LRRC7: variants seen among roughly 807,000 people sequenced by gnomAD.
The protein encoded by LRRC7 is leucine-rich repeat-containing protein 7.
A neutral mutation model predicts 175.7 loss-of-function variants in LRRC7; 23 were observed. The observed-to-expected ratio is 0.13, with a 90% CI of 0.09 to 0.19. LRRC7 has a LOEUF of 0.19. Ranked by LOEUF, LRRC7 falls within the 10% of genes least tolerant of loss-of-function variation. The probability of loss-of-function intolerance (pLI) is 1.00; values close to 1 mark genes in which losing one functional copy is unlikely to be tolerated. For synonymous variants in LRRC7, 685 were observed against 680.9 expected, an observed-to-expected ratio of 1.01 and a Z score of -0.09; for missense variants, 1,354 against 1,904.7, an observed-to-expected ratio of 0.71 and a Z score of 5.38.
chr1:69,599,153 G>T (rs923016793), intron 1 of LRRC7, among the ~76,000 whole-genome samples: 18 of 152,120 alleles, frequency 1.2e-4, no homozygotes, highest in African/African-American at 4.3e-4. Flanking sequence ...AAAAAAAAGG[G>T]CCAGATAGGA....
Position 69,764,770 on chromosome 1 carries a change from TAGATAGATAGAC to T in LRRC7, c.303+4381_303+4392del, listed in dbSNP as rs1415293545. On this transcript the variant is annotated intron_variant, in intron 3 of 26. Coordinates refer to ENST00000651989, the MANE Select transcript of LRRC7 (RefSeq NM_001370785.2). Reference sequence around the variant, plus strand: ...ATAGATAGATAGATAGATAGATAGATAGATAGATAGACAGACAGACAGATAGATAACTGGGCA... The same window carrying T: ...ATAGATAGATAGATAGATAGATAGATAGACAGACAGATAGATAACTGGGCA... Among the ~76,000 whole-genome samples the T allele has an allele frequency of 2.6e-4, 39 of 150,440 alleles. 1 individual carries two copies. Among genetic ancestry groups the T allele is most frequent in the South Asian group, 1.3e-3 (6 of 4,758 alleles).
At chr1:69,745,179 A>G (rs1262754851) in intron 2 of LRRC7, among the ~76,000 whole-genome samples, 3 of 152,004 alleles carry the variant, frequency 2.0e-5, no homozygotes, top group Non-Finnish European at 4.4e-5. Context: ...AAGGCAGTGA[A>G]TGGTGAAAAA....
At chr1:70,113,885 A>G (rs909446885) in intron 26 of LRRC7, among the ~76,000 whole-genome samples, 1 of 152,192 alleles carries the variant, frequency 6.6e-6, no homozygotes, top group Non-Finnish European at 1.5e-5. Flanking sequence ...CTCTTTACCA[A>G]AGCATCAATT....
chr1:69,699,117 G>A (rs1663002375), intron 2 of LRRC7, among the ~76,000 whole-genome samples: 3 of 152,124 alleles, frequency 2.0e-5, no homozygotes, highest in South Asian at 2.1e-4. Flanking sequence ...ACAGTGTGGC[G>A]ATGCCCCTTG....
rs1322173906 is a variant in LRRC7 at position 70,132,249 on chromosome 1, C to G, written c.*10362C>G. On this transcript the variant is annotated 3_prime_UTR_variant, in exon 27 of 27. Transcript: ENST00000651989. ...CTTGGTTTCTGCCTTCCCTCCTGCTCTTCCAGATGTCAAAAGAAGAATTTA... is the reference window on the plus strand; with the variant it reads ...CTTGGTTTCTGCCTTCCCTCCTGCTGTTCCAGATGTCAAAAGAAGAATTTA... 1 of 152,190 alleles carries G rather than the reference C, an allele frequency of 6.6e-6. No homozygotes were observed. The highest frequency in any genetic ancestry group is 1.5e-5 in the Non-Finnish European group (1 of 68,088). 9.4% of individuals were successfully genotyped at this position (152,190 alleles called of 1,614,324 possible). A position where few individuals can be genotyped will look rare whatever the true frequency, so the allele number is the denominator to read the frequency against.
intron 1 of LRRC7, among the ~76,000 whole-genome samples, chr1:69,629,372 A>G (rs1358868950): frequency 6.6e-6 from 1 of 152,162 alleles, no homozygotes; most frequent in African/African-American, 2.4e-5. Flanking sequence ...AGAATACATA[A>G]ATGAAGAAGT....
At chr1:69,818,325 T>A (rs964217214) in intron 4 of LRRC7, among the ~76,000 whole-genome samples, 1 of 152,080 alleles carries the variant, frequency 6.6e-6, no homozygotes, top group Non-Finnish European at 1.5e-5. Flanking sequence ...TATGAAAGGA[T>A]GTTGGATTTT....
chr1:69,901,943 AT>A (rs1464538367), intron 7 of LRRC7, among the ~76,000 whole-genome samples: 4 of 152,144 alleles, frequency 2.6e-5, no homozygotes, highest in African/African-American at 9.7e-5. Context: ...ACTTCTGGGT[AT>A]CATGATTCCC....
chr1:69,775,271 G>C (rs1035359267), intron 3 of LRRC7, among the ~76,000 whole-genome samples: 2 of 152,156 alleles, frequency 1.3e-5, no homozygotes, highest in South Asian at 2.1e-4. Context: ...TCTGCTATCT[G>C]TTCTTTTCAC....
intron 4 of LRRC7, among the ~76,000 whole-genome samples, chr1:69,814,511 A>G (rs1678350345): frequency 6.6e-6 from 1 of 152,196 alleles, no homozygotes; most frequent in Admixed American, 6.5e-5. Context: ...AAATACTCAG[A>G]ATAACCCTCT....
At position 70,133,338 on chromosome 1, in the gene LRRC7, A is replaced by G. The variant is rs376842176; in HGVS notation, c.*11451A>G. On this transcript the variant is annotated 3_prime_UTR_variant, in exon 27 of 27. Transcript: ENST00000651989. Reference sequence around the variant, plus strand: ...TGGGTTCAAACGATTTTCCTGCCTCAGCCTCCCGAGTAGCTGGGACTACAG... The same window carrying G: ...TGGGTTCAAACGATTTTCCTGCCTCGGCCTCCCGAGTAGCTGGGACTACAG... Among the ~76,000 whole-genome samples, 242 of 152,144 alleles carry G rather than the reference A, an allele frequency of 1.6e-3. No individual in the cohort carries two copies. The highest frequency in any genetic ancestry group is 5.7e-3 in the African/African-American group (237 of 41,496).
At position 70,132,625 on chromosome 1, in the gene LRRC7, C is replaced by T. The variant is rs1210206264; in HGVS notation, c.*10738C>T. 3.3e-5 allele frequency among the ~76,000 whole-genome samples: 5 copies of T among 152,070 alleles called. No homozygotes were observed. In the East Asian group the frequency reaches 5.8e-4, roughly 18 times the overall value. On this transcript the variant is annotated 3_prime_UTR_variant, in exon 27 of 27. Transcript: ENST00000651989. ...TAGCTGGGATTACAGGCGCCTGCCA[C>T]TGCACCCGGCTAATTTTTTGTATTT...
rs1023797751 is a variant in LRRC7 at position 69,842,330 on chromosome 1, A to C, written c.647+4047A>C. ...AATTTTTCTAATACCGTCAAGTTAA[A>C]ATAAGGCCTCATTCATTAATAATTT... On this transcript the variant is annotated intron_variant, in intron 7 of 26. Transcript: ENST00000651989. Among the ~76,000 whole-genome samples the C allele has an allele frequency of 3.3e-5, 5 of 152,260 alleles. No homozygotes were observed. The East Asian group carries it at 9.7e-4, about 29-fold the overall frequency.
chr1:69,763,997 A>G (rs750706976), intron 3 of LRRC7, among the ~76,000 whole-genome samples: 7 of 152,062 alleles, frequency 4.6e-5, no homozygotes, highest in Non-Finnish European at 8.8e-5. Context: ...TACAATGGGT[A>G]GAGAACAAAA....
At chr1:70,097,318 A>G (rs1664478019) in intron 25 of LRRC7, among the ~76,000 whole-genome samples, 2 of 152,334 alleles carry the variant, frequency 1.3e-5, no homozygotes, top group South Asian at 4.1e-4. Flanking sequence ...CCATATAATG[A>G]TGCGTTAGCC....
chr1:69,691,619 G>A (rs946473079), intron 2 of LRRC7, among the ~76,000 whole-genome samples: 17 of 151,882 alleles, frequency 1.1e-4, no homozygotes, highest in Non-Finnish European at 7.4e-5. Context: ...GCAACATGGC[G>A]AAACTCTGTC....
intron 2 of LRRC7, among the ~76,000 whole-genome samples, chr1:69,731,180 T>C (rs2100817781): frequency 6.6e-6 from 1 of 152,146 alleles, no homozygotes; most frequent in Non-Finnish European, 1.5e-5. Flanking sequence ...CGGGCGTCTG[T>C]AGTCCCAGCT....
At chr1:70,022,499 C>A (rs1173609800) in intron 16 of LRRC7, 2 of 152,174 alleles carry the variant, frequency 1.3e-5, no homozygotes, top group Middle Eastern at 3.4e-3. Context: ...TATTTAGAAG[C>A]CCTGTTTGTG....
intron 10 of LRRC7, among the ~76,000 whole-genome samples, chr1:69,990,504 A>T (rs1327882): frequency 6.6e-6 from 1 of 152,108 alleles, no homozygotes; most frequent in Non-Finnish European, 1.5e-5. Context: ...TAGTGCCTGT[A>T]AAGAGGAATC....
Sources: gnomAD v4.1 joint callset for allele counts (sites outside exome capture counted in the v4.1 genomes callset) on GRCh38, gnomAD v4.1.1 for gene constraint, MANE v1.5 for transcripts, NCBI Gene and HGNC (gene_info 2026-07-23, HGNC 2026-07-21) for gene names.